The following RASGEF1C variants were observed in gnomAD, a reference collection of about 807,000 sequenced individuals.
RASGEF1C encodes ras-GEF domain-containing family member 1C.
RASGEF1C carries 27 observed loss-of-function variants against 58.1 expected under a neutral mutation model. That is an observed-to-expected ratio of 0.46 (90% confidence interval 0.34 to 0.64). RASGEF1C has a LOEUF of 0.64. Ranked by LOEUF, RASGEF1C falls within the 30% of genes least tolerant of loss-of-function variation. The probability of loss-of-function intolerance (pLI) is 0.01; values close to 1 mark genes in which losing one functional copy is unlikely to be tolerated. For missense variants in RASGEF1C, 502 were observed against 605.1 expected (o/e 0.83, Z 1.79); for synonymous variants, 243 against 246.3 (o/e 0.99, Z 0.13).
intron 1 of RASGEF1C, among the ~76,000 whole-genome samples, chr5:180,186,208 A>G (rs1457931281): frequency 6.6e-6 from 1 of 152,106 alleles, no homozygotes; most frequent in East Asian, 1.9e-4. Context: ...GAAGAAATAA[A>G]TGGCTTTGAA....
At chr5:180,204,488 C>T (rs564275370) in intron 1 of RASGEF1C, among the ~76,000 whole-genome samples, 1 of 152,330 alleles carries the variant, frequency 6.6e-6, no homozygotes, top group African/African-American at 2.4e-5. Flanking sequence ...AAATCCATCA[C>T]ATGACTCATT....
rs1266781243 is a variant in RASGEF1C at position 180,158,889 on chromosome 5, C to A, written c.-6-20831G>T. ...AGAATTCTTAGCACTCATTTTTGGA[C>A]CCCCTGGACTTGTCCTCCAATTTAA... On this transcript the variant is annotated intron_variant, in intron 1 of 13. Transcript: ENST00000361132. The surrounding 1 kb of genome is among the most constrained non-coding windows in gnomAD (Gnocchi z 4.0). Among the ~76,000 whole-genome samples the A allele has an allele frequency of 3.9e-5, 6 of 152,102 alleles. No individual in the cohort carries two copies. Among genetic ancestry groups the A allele is most frequent in the African/African-American group, 1.4e-4 (6 of 41,426 alleles).
At chr5:180,182,939 G>C (rs1322548369) in intron 1 of RASGEF1C, among the ~76,000 whole-genome samples, 1 of 152,198 alleles carries the variant, frequency 6.6e-6, no homozygotes, top group Non-Finnish European at 1.5e-5. Flanking sequence ...CTCCTCTTAG[G>C]TATAGGCAGG....
At chr5:180,154,975 G>T (rs2386694) in intron 1 of RASGEF1C, among the ~76,000 whole-genome samples, 26,000 of 152,140 alleles carry the variant, frequency 0.17, 3,003 homozygotes, top group Non-Finnish European at 0.24. Flanking sequence ...TGGCCTGAAG[G>T]TTCAGCAGGA....
intron 1 of RASGEF1C, among the ~76,000 whole-genome samples, chr5:180,154,503 A>G (rs143045688): frequency 5.9e-5 from 9 of 152,132 alleles, no homozygotes; most frequent in Admixed American, 5.9e-4. Context: ...TTACAGTTGA[A>G]TAAACCCGGA....
At chr5:180,182,204 C>CAAAAAAAAAAAAA (rs1156831010) in intron 1 of RASGEF1C, among the ~76,000 whole-genome samples, 65 of 22,754 alleles carry the variant, frequency 2.9e-3, no homozygotes, top group East Asian at 4.3e-3. Flanking sequence ...GACTCCGTCT[C>CAAAAAAAAAAAAA]AAAAAAAAAA....
intron 1 of RASGEF1C, among the ~76,000 whole-genome samples, chr5:180,182,475 G>T (rs184604922): frequency 6.6e-6 from 1 of 152,284 alleles, no homozygotes; most frequent in Admixed American, 6.5e-5. Flanking sequence ...GCAGGTTGCC[G>T]CTGTTGGCTG....
chr5:180,144,079 G>A (rs1339438760), intron 1 of RASGEF1C, among the ~76,000 whole-genome samples: 3 of 152,202 alleles, frequency 2.0e-5, no homozygotes, highest in Admixed American at 6.5e-5. Context: ...CACAGTGCCT[G>A]CTGTGGAGAA....
chr5:180,128,751 G>A, intron 4 of RASGEF1C, 141 bp from the exon 5 acceptor site: 1 of 833,292 alleles, frequency 1.2e-6, no homozygotes, highest in South Asian at 1.7e-5. Context: ...CCAGCGCAGG[G>A]GCCAGGACCT....
intron 1 of RASGEF1C, among the ~76,000 whole-genome samples, chr5:180,172,958 C>CA (rs1767136579): frequency 6.6e-6 from 1 of 152,200 alleles, no homozygotes; most frequent in South Asian, 2.1e-4. Flanking sequence ...CCCTGAGGGT[C>CA]AATGCATCTT....
At chr5:180,112,950 TGGACGGAGGGAC>T in intron 11 of RASGEF1C, among the ~76,000 whole-genome samples, 2 of 141,468 alleles carry the variant, frequency 1.4e-5, no homozygotes, top group Admixed American at 1.4e-4. Context: ...GGACCGGGGA[TGGACGGAGGGAC>T]CGGGGATGGA....
chr5:180,170,395 C>T (rs528354267), intron 1 of RASGEF1C, among the ~76,000 whole-genome samples: 5 of 152,228 alleles, frequency 3.3e-5, no homozygotes, highest in Non-Finnish European at 5.9e-5. Context: ...GAATGAATAT[C>T]GGGCTCTGTG....
At chr5:180,149,404 G>C (rs1766711379) in intron 1 of RASGEF1C, among the ~76,000 whole-genome samples, 2 of 150,372 alleles carry the variant, frequency 1.3e-5, no homozygotes, top group Admixed American at 6.6e-5. Flanking sequence ...GGCCTCTAAG[G>C]TTTCCGTGGG....
intron 1 of RASGEF1C, among the ~76,000 whole-genome samples, chr5:180,193,341 CA>C (rs2127563155): frequency 6.6e-6 from 1 of 152,302 alleles, no homozygotes; most frequent in South Asian, 2.1e-4. Flanking sequence ...AGGCGTGAGC[CA>C]CCGTGCCCGG....
intron 1 of RASGEF1C, among the ~76,000 whole-genome samples, chr5:180,162,931 C>T (rs75156382): frequency 3.9e-5 from 6 of 152,030 alleles, no homozygotes; most frequent in Admixed American, 1.3e-4. Context: ...GTTTTCAGCA[C>T]GCAGATACTG....
At chr5:180,190,368 T>C (rs1756132886) in intron 1 of RASGEF1C, among the ~76,000 whole-genome samples, 1 of 151,256 alleles carries the variant, frequency 6.6e-6, no homozygotes, top group South Asian at 2.1e-4. Flanking sequence ...CGGGCGCCTG[T>C]AGTCCCAGCT....
chr5:180,127,178 C>T lies in RASGEF1C; in HGVS notation c.714+431G>A, dbSNP rs536987415. ...GGACCCAGGAGTTCCCTTACCCATC[C>T]CGGGCAGCGGGCAGCAACCCGCGCT... On this transcript the variant is annotated intron_variant, in intron 6 of 13. Transcript: ENST00000361132. Among the ~76,000 whole-genome samples the T allele has an allele frequency of 2.0e-5, 3 of 152,284 alleles. No homozygotes were observed. The South Asian group carries it at 6.2e-4, about 32-fold the overall frequency.
chr5:180,119,923 C>T (rs928692733), intron 7 of RASGEF1C, among the ~76,000 whole-genome samples: 12 of 152,186 alleles, frequency 7.9e-5, no homozygotes, highest in Admixed American at 1.3e-4. Flanking sequence ...TGTGGCCAGG[C>T]GCTCGGGACT....
At chr5:180,165,303 T>G (rs1252511257) in intron 1 of RASGEF1C, among the ~76,000 whole-genome samples, 3 of 152,258 alleles carry the variant, frequency 2.0e-5, no homozygotes, top group African/African-American at 4.8e-5. Context: ...TATTGTTTTA[T>G]TTTATTAAAT....
Sources: gnomAD v4.1 joint callset for allele counts (sites outside exome capture counted in the v4.1 genomes callset) on GRCh38, gnomAD v4.1.1 for gene constraint, Gnocchi (gnomAD v3.1) non-coding constraint, MANE v1.5 for transcripts, NCBI Gene and HGNC (gene_info 2026-07-23, HGNC 2026-07-21) for gene names.